The following CATSPER1 variants were observed in gnomAD, a reference collection of about 807,000 sequenced individuals.
CATSPER1 encodes the protein cation channel sperm associated 1, also known as cation channel sperm-associated protein 1.
Under a neutral mutation model 72.7 loss-of-function variants are expected in CATSPER1, and 57 were observed. The ratio of observed to expected loss-of-function variants is 0.78; its 90% CI spans 0.63 to 0.98. The LOEUF is 0.98. Ranked by LOEUF, CATSPER1 falls within the 50% of genes least tolerant of loss-of-function variation. CATSPER1 has a pLI of 0.00. For synonymous variants in CATSPER1, 363 were observed against 403.0 expected (o/e 0.90, Z 1.19); for missense variants, 910 against 1,033.9 (o/e 0.88, Z 1.64).
At position 66,020,066 on chromosome 11, in the gene CATSPER1, G is replaced by T; in HGVS notation, c.2125+74C>A. On this transcript the variant is annotated intron_variant, in intron 9 of 11. Transcript: ENST00000312106. This position sits in a 1 kb window ranked among gnomAD's most constrained non-coding sequence, Gnocchi z 4.5. The stretch of plus-strand genomic sequence containing the variant: ...AGTCTGGAATTCTGTGACTGTGGAA[G>T]GAGGTTAGGGGGATGGAGAGACTGG... 6.8e-7 allele frequency: 1 copy of T among 1,465,440 alleles called. No individual in the cohort carries two copies. The highest frequency in any genetic ancestry group is 9.5e-7 in the Non-Finnish European group (1 of 1,049,544). 90.8% of individuals were successfully genotyped at this position (1,465,440 alleles called of 1,614,324 possible).
chr11:66,020,274 C>T lies in CATSPER1; in HGVS notation c.2064+43G>A, dbSNP rs201385721. The T allele has an allele frequency of 1.9e-4, 312 of 1,614,128 alleles. 4 individuals are homozygous for T. The Middle Eastern group carries it at 3.6e-3, about 19-fold the overall frequency. On this transcript the variant is annotated intron_variant, in intron 8 of 11. Transcript: ENST00000312106. The surrounding 1 kb of genome is among the most constrained non-coding windows in gnomAD (Gnocchi z 4.5). ...CCTGGAGGCCCCTGGCCTCACTCCT[C>T]CAGCTTCCTGATCTGGTCCACCTGT...
Position 66,022,992 on chromosome 11 carries a change from A to G in CATSPER1, c.1286T>C (p.Leu429Pro). The G allele has an allele frequency of 6.2e-7, 1 of 1,614,248 alleles. No homozygotes were observed. Among genetic ancestry groups the G allele is most frequent in the Non-Finnish European group, 8.5e-7 (1 of 1,180,052 alleles). ...CCGGAAGCCCTGAATGAGGAAGGTT[A>G]GCTTTTCCCACAGCCACTGGAAGAG... ...TNLFQWLWEK[L>P]TFLIQGFREM... The change falls in exon 2 of 12, where the codon CTA (leucine) becomes CCA (proline). Residue 429 changes from leucine (L) to proline (P), a missense_variant. Transcript: ENST00000312106.
Position 66,021,794 on chromosome 11 carries a change from C to G in CATSPER1, c.1515G>C (p.Ser505=), listed in dbSNP as rs1291856062. 1.2e-6 allele frequency: 2 copies of G among 1,614,042 alleles called. No individual in the cohort carries two copies. The highest frequency in any genetic ancestry group is 1.7e-6 in the Non-Finnish European group (2 of 1,180,026). The change falls in exon 3 of 12, where the codon TCG becomes TCC. Residue 505 remains serine (S), a synonymous_variant. Transcript: ENST00000312106. ...AATTGTTCCAGAAGTCAAAGAAGTA[C>G]GAGAGGCCCAGGGCGATGATCTTGA... ...ALLKIIALGL[S]YFFDFWNNLD... is the part of the protein sequence containing the mutation.
intron 1 of CATSPER1, among the ~76,000 whole-genome samples, chr11:66,024,255 C>CG (rs1180792165): frequency 1.4e-5 from 2 of 147,436 alleles, no homozygotes; most frequent in Admixed American, 1.4e-4. Context: ...TGTGAGCCAT[C>CG]GCACCCAGCC....
Position 66,016,874 on chromosome 11 carries a change from T to G in CATSPER1, c.*16A>C. The G allele has an allele frequency of 6.2e-7, 1 of 1,613,414 alleles. No individual in the cohort carries two copies. Among genetic ancestry groups the G allele is most frequent in the Non-Finnish European group, 8.5e-7 (1 of 1,179,616 alleles). ...ACTGCCAGGGGCTGAAGTCTGTATC[T>G]GGTGTCCTCCTGGGGTCAATTCCTG... On this transcript the variant is annotated 3_prime_UTR_variant, in exon 12 of 12. Coordinates refer to ENST00000312106, the MANE Select transcript of CATSPER1 (RefSeq NM_053054.4).
rs150830285 is a variant in CATSPER1, at chr11:66,026,233, G to T, written c.147C>A (p.Gly49=). ...GAGATTCACCACGTTGGTGGGGCAC[G>T]CCGTGATGGTGCAACTCGTAATGGT... ...ALHHYELHHH[G]VPHQRGESHH... is the part of the protein sequence containing the mutation. The change falls in exon 1 of 12, where the codon GGC becomes GGA. Residue 49 remains glycine (G), a synonymous_variant. Coordinates refer to ENST00000312106, the MANE Select transcript of CATSPER1 (RefSeq NM_053054.4). 6.2e-7 allele frequency: 1 copy of T among 1,613,374 alleles called. No individual in the cohort carries two copies. Among genetic ancestry groups the T allele is most frequent in the East Asian group, 2.2e-5 (1 of 44,860 alleles).
rs775284326 is a variant in CATSPER1, at chr11:66,026,325, C to T, written c.55G>A (p.Ala19Thr). ...KAQNEADTNN[A>T]DRFFRSHSSP... The stretch of plus-strand genomic sequence containing the variant: ...GAGTGAGAGCGAAAGAACCTATCTG[C>T]GTTATTGGTGTCTGCCTCATTCTGA... The change falls in exon 1 of 12, where the codon GCA becomes ACA. Residue 19 changes from alanine (A) to threonine (T), a missense_variant. By Grantham distance (58) the Ala-to-Thr change is moderately conservative. Coordinates refer to ENST00000312106, the MANE Select transcript of CATSPER1 (RefSeq NM_053054.4). 1.1e-5 allele frequency: 17 copies of T among 1,614,040 alleles called. No homozygotes were observed. The highest frequency in any genetic ancestry group is 1.0e-4 in the Admixed American group (6 of 60,006).
chr11:66,022,703 T>C, intron 2 of CATSPER1, 146 bp downstream of exon 2: 1 of 760,800 alleles, frequency 1.3e-6, no homozygotes, highest in South Asian at 1.6e-5. Context: ...AGACGCTCTC[T>C]AATACTGGGT....
chr11:66,023,179 T>G, intron 1 of CATSPER1, 118 bp from the exon 2 acceptor site: 1 of 1,019,554 alleles, frequency 9.8e-7, no homozygotes, highest in Admixed American at 1.9e-5. Flanking sequence ...GCCCTCTGCC[T>G]CCCGGGTTCA....
chr11:66,025,281 AG>A lies in CATSPER1; in HGVS notation c.1098del (p.Ser367ProfsTer63). The A allele has an allele frequency of 6.2e-7, 1 of 1,614,136 alleles. No individual in the cohort carries two copies. The highest frequency in any genetic ancestry group is 8.5e-7 in the Non-Finnish European group (1 of 1,180,024). On this transcript the variant is annotated frameshift_variant, in exon 1 of 12. Transcript: ENST00000312106. LOFTEE classifies it high-confidence loss of function. ...PRGSAHSMTR[S>X]SSTIRSRVTQ... ...GTGACACGTGAGCGGATTGTGCTGG[AG>A]GACCGAGTCATGCTGTGAGCCGAGC...
intron 9 of CATSPER1, among the ~76,000 whole-genome samples, chr11:66,019,746 C>A (rs1228308717): frequency 6.6e-6 from 1 of 151,558 alleles, no homozygotes; most frequent in Admixed American, 6.6e-5. Flanking sequence ...AAAATACACA[C>A]ACACACAAAA....
In CATSPER1 at chr11:66,017,193, G is replaced by GGGGGGGC; in HGVS notation, c.2202-20_2202-19insGCCCCCC. On this transcript the variant is annotated intron_variant, in intron 10 of 11. Coordinates refer to ENST00000312106, the MANE Select transcript of CATSPER1 (RefSeq NM_053054.4). ...CTGCTGCCTGCGGGTGGGCGGGGGGGTCGCAGAGACAGGGGCTGGGCTGAC... is the reference window on the plus strand; with the variant it reads ...CTGCTGCCTGCGGGTGGGCGGGGGGGGGGGGGCTCGCAGAGACAGGGGCTGGGCTGAC... 2.4e-5 allele frequency: 12 copies of GGGGGGGC among 493,786 alleles called. No homozygotes were observed. Among genetic ancestry groups the GGGGGGGC allele is most frequent in the East Asian group, 1.1e-4 (2 of 18,088 alleles). 30.6% of individuals were successfully genotyped at this position (493,786 alleles called of 1,614,324 possible).
At position 66,018,899 on chromosome 11, in the gene CATSPER1, G is replaced by A; in HGVS notation, c.2129C>T (p.Pro710Leu). ...GGTGCCTTCACTCGCCACCTCTTTG[G>A]GCTCTGGATGTAGAGAAAGAAGGGT... is the stretch of plus-strand genomic sequence containing the variant. ...DSLTELRAAE[P>L]KEVASEGTML... is the part of the protein sequence containing the mutation. Residue 710 changes from proline to leucine, a missense_variant, in exon 10 of 12, where the codon CCC becomes CTC. Coordinates refer to ENST00000312106, the MANE Select transcript of CATSPER1 (RefSeq NM_053054.4). 1.2e-6 allele frequency: 2 copies of A among 1,613,590 alleles called. No homozygotes were observed. Among genetic ancestry groups the A allele is most frequent in the Non-Finnish European group, 1.7e-6 (2 of 1,179,648 alleles).
chr11:66,019,029 C>A, intron 9 of CATSPER1, 127 bp from the exon 10 acceptor site: 1 of 768,228 alleles, frequency 1.3e-6, no homozygotes, highest in South Asian at 1.4e-5. Context: ...GTTGCTTCTC[C>A]GGGCATGCAG....
At position 66,021,752 on chromosome 11, in the gene CATSPER1, C is replaced by T. The variant is rs748670632; in HGVS notation, c.1543+14G>A. 1.2e-5 allele frequency: 19 copies of T among 1,613,508 alleles called. No homozygotes were observed. Among genetic ancestry groups the T allele is most frequent in the Non-Finnish European group, 1.5e-5 (18 of 1,179,396 alleles). ...CAGACTAAACACACGCAGCCTGGCC[C>T]CGGCCGCACCCACCCAAATTGTTCC... On this transcript the variant is annotated intron_variant, in intron 3 of 11. Coordinates refer to ENST00000312106, the MANE Select transcript of CATSPER1 (RefSeq NM_053054.4).
chr11:66,025,282 G>A lies in CATSPER1; in HGVS notation c.1098C>T (p.Ser366=). ...PRGSAHSMTR[S]SSTIRSRVTQ... ...TGACACGTGAGCGGATTGTGCTGGA[G>A]GACCGAGTCATGCTGTGAGCCGAGC... is the stretch of plus-strand genomic sequence containing the variant. The change falls in exon 1 of 12, where the codon TCC becomes TCT. Residue 366 remains serine, a synonymous_variant. Coordinates refer to ENST00000312106, the MANE Select transcript of CATSPER1 (RefSeq NM_053054.4). 1 of 1,614,206 alleles carries A rather than the reference G, an allele frequency of 6.2e-7. No individual in the cohort carries two copies. The highest frequency in any genetic ancestry group is 2.2e-5 in the East Asian group (1 of 44,888).
In CATSPER1 at chr11:66,021,583, G is replaced by A; in HGVS notation, c.1604C>T (p.Ala535Val). 6.2e-7 allele frequency: 1 copy of A among 1,612,900 alleles called. No homozygotes were observed. Among genetic ancestry groups the A allele is most frequent in the South Asian group, 1.1e-5 (1 of 90,806 alleles). ...DFLLMQTHSF[A>V]IYHQSLFRIL... ...CCGGAAGAGGCTTTGGTGGTAGATGGCGAAGGAGTGGGTCTGCATCAGCAA... is the reference window on the plus strand; with the variant it reads ...CCGGAAGAGGCTTTGGTGGTAGATGACGAAGGAGTGGGTCTGCATCAGCAA... Residue 535 changes from alanine (A) to valine (V), a missense_variant, in exon 4 of 12, where the codon GCC becomes GTC. Ala to Val is a moderately conservative substitution (Grantham distance 64). Transcript: ENST00000312106.
At chr11:66,022,002 G>A (rs909160884) in intron 2 of CATSPER1, 123 bp from the exon 3 acceptor site, 14 of 762,112 alleles carry the variant, frequency 1.8e-5, no homozygotes, top group Middle Eastern at 3.5e-4. Flanking sequence ...AAGCAGCTGC[G>A]CGACTTCACT....
In CATSPER1 at chr11:66,021,603, CA is replaced by C; in HGVS notation, c.1583del (p.Leu528ArgfsTer27). The C allele has an allele frequency of 6.2e-7, 1 of 1,611,232 alleles. No individual in the cohort carries two copies. Among genetic ancestry groups the C allele is most frequent in the African/African-American group, 1.3e-5 (1 of 75,012 alleles). ...IMAMAVLDFLLMQTHSFAIYH... is the reference protein window; with the variant it reads ...IMAMAVLDFLXMQTHSFAIYH... ...AGATGGCGAAGGAGTGGGTCTGCATCAGCAAGAAGTCCAGCACGGCCATGGC... is the reference window on the plus strand; with the variant it reads ...AGATGGCGAAGGAGTGGGTCTGCATCGCAAGAAGTCCAGCACGGCCATGGC... On this transcript the variant is annotated frameshift_variant, in exon 4 of 12. Transcript: ENST00000312106. LOFTEE classifies it high-confidence loss of function.
Sources: allele counts gnomAD v4.1 joint callset (sites outside exome capture counted in the v4.1 genomes callset), GRCh38; gene constraint gnomAD v4.1.1; non-coding constraint Gnocchi (gnomAD v3.1); transcripts MANE v1.5; gene names NCBI Gene and HGNC (gene_info 2026-07-23, HGNC 2026-07-21).